Variants in EYS observed in about 807,000 individuals in gnomAD.
EYS encodes EGF-like photoreceptor maintenance factor.
In EYS, 250 loss-of-function variants were observed where a neutral mutation model predicts 282.1. The observed-to-expected ratio is 0.89, with a 90% CI of 0.80 to 0.98. The LOEUF is 0.98. EYS is among the 50% of genes least tolerant of loss of function. The pLI is 0.00. For synonymous variants in EYS, 1,355 were observed against 1,282.9 expected (o/e 1.06, Z -1.20); for missense variants, 4,016 against 3,709.0 (o/e 1.08, Z -2.15).
chr6:65,280,522 A>T (rs1768187003), intron 12 of EYS, among the ~76,000 whole-genome samples: 1 of 152,278 alleles, frequency 6.6e-6, no homozygotes, highest in Non-Finnish European at 1.5e-5. Context: ...CTAAGAAATT[A>T]ATGCTGTATA....
At chr6:64,621,143 G>A (rs1383971383) in intron 23 of EYS, among the ~76,000 whole-genome samples, 1 of 152,152 alleles carries the variant, frequency 6.6e-6, no homozygotes, top group East Asian at 1.9e-4. Flanking sequence ...TAAAACTAGA[G>A]TGATCTTAAG....
chr6:64,535,178 C>G (rs2050622), intron 26 of EYS, among the ~76,000 whole-genome samples: 56,815 of 151,850 alleles, frequency 0.37, 11,620 homozygotes, highest in African/African-American at 0.56. Flanking sequence ...CTCCCAAATT[C>G]TCTGGGAATG....
At chr6:64,013,114 A>T (rs1178449872) in intron 33 of EYS, among the ~76,000 whole-genome samples, 1 of 152,206 alleles carries the variant, frequency 6.6e-6, no homozygotes, top group African/African-American at 2.4e-5. Context: ...ACTGATATTA[A>T]AAAAGGATCT....
chr6:65,123,844 T>A (rs1391837317), intron 12 of EYS, among the ~76,000 whole-genome samples: 1 of 151,866 alleles, frequency 6.6e-6, no homozygotes, highest in African/African-American at 2.4e-5. Flanking sequence ...TTTCCCTAAA[T>A]TCTGAAATGG....
chr6:64,359,468 A>G (rs1658292057), intron 29 of EYS, among the ~76,000 whole-genome samples: 1 of 151,744 alleles, frequency 6.6e-6, no homozygotes, highest in African/African-American at 2.4e-5. Flanking sequence ...ATTTGTTCTT[A>G]GACTCTGAAA....
At chr6:65,183,448 G>T (rs72881756) in intron 12 of EYS, among the ~76,000 whole-genome samples, 1 of 151,652 alleles carries the variant, frequency 6.6e-6, no homozygotes, top group Non-Finnish European at 1.5e-5. Flanking sequence ...GTTTCTAAAG[G>T]ATCTTCTTTA....
intron 22 of EYS, among the ~76,000 whole-genome samples, chr6:64,809,054 C>T (rs1371837772): frequency 1.3e-5 from 2 of 152,072 alleles, no homozygotes; most frequent in Non-Finnish European, 2.9e-5. Context: ...TCTGCCCAGA[C>T]ATTTAATGGT....
At chr6:64,163,870 G>T (rs754992594) in intron 31 of EYS, among the ~76,000 whole-genome samples, 5 of 152,094 alleles carry the variant, frequency 3.3e-5, no homozygotes, top group Non-Finnish European at 7.4e-5. Flanking sequence ...GAGAGAAGCA[G>T]ACATGAAAGA....
rs976409897 is a variant in EYS at position 64,040,740 on chromosome 6, A to G, written c.6725+25598T>C. On this transcript the variant is annotated intron_variant, in intron 33 of 42. Coordinates refer to ENST00000503581, the MANE Select transcript of EYS (RefSeq NM_001142800.2). Reference sequence around the variant, plus strand: ...ATGGCTGCTCTAGAGCTGCAGTGACAAAGTTGAGTAGTTCAACATAGATTG... The same window carrying G: ...ATGGCTGCTCTAGAGCTGCAGTGACGAAGTTGAGTAGTTCAACATAGATTG... Among the ~76,000 whole-genome samples, 12 of 152,322 alleles carry G rather than the reference A, an allele frequency of 7.9e-5. No homozygotes were observed. In the East Asian group the frequency reaches 1.2e-3, roughly 15 times the overall value.
At chr6:64,434,657 G>A (rs183461944) in intron 28 of EYS, among the ~76,000 whole-genome samples, 2 of 151,942 alleles carry the variant, frequency 1.3e-5, no homozygotes, top group Admixed American at 1.3e-4. Context: ...CCTTGAGATT[G>A]TGTCATTTTC....
intron 13 of EYS, among the ~76,000 whole-genome samples, chr6:65,015,870 TAA>T (rs776971479): frequency 9.6e-5 from 5 of 52,026 alleles, no homozygotes; most frequent in Admixed American, 5.7e-4. Flanking sequence ...TCGTCTCTAC[TAA>T]AAAAAAAAAA....
chr6:65,061,969 T>C (rs1773587568), intron 12 of EYS, among the ~76,000 whole-genome samples: 1 of 152,094 alleles, frequency 6.6e-6, no homozygotes, highest in Non-Finnish European at 1.5e-5. Context: ...TGAATTTGCT[T>C]CCTGTTTTCT....
Position 65,057,642 on chromosome 6 carries a change from G to A in EYS, c.2109C>T (p.Tyr703=), listed in dbSNP as rs377090818. 1.3e-4 allele frequency: 199 copies of A among 1,550,110 alleles called. 1 individual carries two copies. The African/African-American group carries it at 2.2e-3, about 17-fold the overall frequency. ...GATCIDQPGN[Y]FCQCVPPFKV... ...TAAATGGAGGCACACACTGGCAGAA[G>A]TAATTACCAGGTTGGTCAATGCAGG... The change falls in exon 13 of 43, where the codon TAC becomes TAT. Residue 703 remains tyrosine, a synonymous_variant. Coordinates refer to ENST00000503581, the MANE Select transcript of EYS (RefSeq NM_001142800.2).
intron 31 of EYS, among the ~76,000 whole-genome samples, chr6:64,120,013 T>A (rs1773522517): frequency 6.6e-6 from 1 of 152,102 alleles, no homozygotes; most frequent in African/African-American, 2.4e-5. Context: ...CCTAAACAAA[T>A]TTACCATATT....
intron 35 of EYS, among the ~76,000 whole-genome samples, chr6:63,896,837 A>G (rs1363600066): frequency 1.3e-5 from 2 of 152,052 alleles, no homozygotes; most frequent in Non-Finnish European, 2.9e-5. Context: ...GGCTTCTTTC[A>G]TTTAGTAATA....
intron 5 of EYS, among the ~76,000 whole-genome samples, chr6:65,473,602 C>A (rs898978178): frequency 1.3e-5 from 2 of 151,714 alleles, no homozygotes; most frequent in Non-Finnish European, 2.9e-5. Flanking sequence ...AGATGCTAAG[C>A]ACAATATTTA....
intron 14 of EYS, among the ~76,000 whole-genome samples, chr6:64,993,862 A>G (rs1297805145): frequency 6.6e-6 from 1 of 151,208 alleles, no homozygotes; most frequent in Non-Finnish European, 1.5e-5. Flanking sequence ...GTTTGGGGGA[A>G]AAGTTAAACC....
At chr6:64,944,217 AC>A in intron 15 of EYS, among the ~76,000 whole-genome samples, 1 of 152,146 alleles carries the variant, frequency 6.6e-6, no homozygotes, top group East Asian at 1.9e-4. Context: ...CAGAAAAGTA[AC>A]CCAGGATGGA....
Position 63,806,289 on chromosome 6 carries a change from T to G in EYS, c.7312A>C (p.Ile2438Leu). 6.4e-7 allele frequency: 1 copy of G among 1,551,686 alleles called. No homozygotes were observed. Among genetic ancestry groups the G allele is most frequent in the Non-Finnish European group, 8.7e-7 (1 of 1,146,904 alleles). ...SFLAYSRISD[I>L]SFHYEFHLKF... The stretch of plus-strand genomic sequence containing the variant: ...AGGTGGAATTCATAATGGAAGCTGA[T>G]GTCTGAGATCCGTGAATAAGCCAGG... Residue 2438 changes from isoleucine (I) to leucine (L), a missense_variant, in exon 37 of 43, where the codon ATC (isoleucine) becomes CTC (leucine). Transcript: ENST00000503581.
Sources: gnomAD v4.1 joint callset for allele counts (sites outside exome capture counted in the v4.1 genomes callset) on GRCh38, gnomAD v4.1.1 for gene constraint, MANE v1.5 for transcripts, NCBI Gene and HGNC (gene_info 2026-07-23, HGNC 2026-07-21) for gene names.